The following SEL1L2 variants were observed in gnomAD, a reference collection of about 807,000 sequenced individuals.
SEL1L2 encodes protein sel-1 homolog 2.
A neutral mutation model predicts 98.8 loss-of-function variants in SEL1L2; 89 were observed. The observed-to-expected ratio is 0.90, with a 90% CI of 0.76 to 1.07. The LOEUF is 1.07. SEL1L2 is among the 50% of genes least tolerant of loss of function. SEL1L2 has a pLI of 0.00. For missense variants in SEL1L2, 788 were observed against 812.0 expected (o/e 0.97, Z 0.36); for synonymous variants, 262 against 278.5 (o/e 0.94, Z 0.59).
intron 1 of SEL1L2, among the ~76,000 whole-genome samples, chr20:13,959,187 G>A (rs921710919): frequency 6.6e-6 from 1 of 152,156 alleles, no homozygotes; most frequent in Non-Finnish European, 1.5e-5. Context: ...TCATTTTAAT[G>A]TGTCCTCTTT....
chr20:13,962,752 C>T (rs2050836324), intron 1 of SEL1L2, among the ~76,000 whole-genome samples: 1 of 152,070 alleles, frequency 6.6e-6, no homozygotes, highest in Non-Finnish European at 1.5e-5. Flanking sequence ...ATAGTCCTAG[C>T]ATTGAGAAAA....
intron 4 of SEL1L2, among the ~76,000 whole-genome samples, chr20:13,914,934 G>C (rs13039800): frequency 0.18 from 28,026 of 152,118 alleles, 2,665 homozygotes; most frequent in Non-Finnish European, 0.21. Context: ...GGAGAGTCTT[G>C]CAAGGTCAAA....
At chr20:13,929,624 C>T (rs2049047886) in intron 3 of SEL1L2, among the ~76,000 whole-genome samples, 1 of 149,846 alleles carries the variant, frequency 6.7e-6, no homozygotes, top group Non-Finnish European at 1.5e-5. Context: ...TCTCAGCCTC[C>T]CGAGTAGCTT....
At chr20:13,933,000 G>T (rs2049221313) in intron 2 of SEL1L2, among the ~76,000 whole-genome samples, 1 of 151,824 alleles carries the variant, frequency 6.6e-6, no homozygotes, top group Non-Finnish European at 1.5e-5. Flanking sequence ...CTGAGGTCAG[G>T]AGTTTGAGAC....
At chr20:13,983,527 T>A (rs973736112) in intron 1 of SEL1L2, among the ~76,000 whole-genome samples, 14 of 152,042 alleles carry the variant, frequency 9.2e-5, no homozygotes, top group African/African-American at 3.4e-4. Flanking sequence ...TTTTTGTTTT[T>A]GTTTTTTTTT....
chr20:13,894,257 T>A (rs1019115338), intron 5 of SEL1L2, among the ~76,000 whole-genome samples: 3 of 152,124 alleles, frequency 2.0e-5, no homozygotes, highest in South Asian at 2.1e-4. Context: ...TTAGGTTTTT[T>A]AAAAATATCA....
At chr20:13,976,915 A>G (rs542287265) in intron 1 of SEL1L2, among the ~76,000 whole-genome samples, 30 of 152,302 alleles carry the variant, frequency 2.0e-4, no homozygotes, top group Non-Finnish European at 3.5e-4. Flanking sequence ...TTGCAAGATG[A>G]CCCGGGAGAA....
intron 14 of SEL1L2, among the ~76,000 whole-genome samples, chr20:13,867,501 C>A (rs1490176993): frequency 6.6e-6 from 1 of 152,144 alleles, no homozygotes; most frequent in South Asian, 2.1e-4. Context: ...AACACTGGAG[C>A]CTTTAGAAGC....
chr20:13,867,186 A>G (rs1253245349), intron 14 of SEL1L2, among the ~76,000 whole-genome samples: 1 of 152,230 alleles, frequency 6.6e-6, no homozygotes, highest in Non-Finnish European at 1.5e-5. Flanking sequence ...CCGAAGCGCC[A>G]CCATGATTTA....
intron 1 of SEL1L2, among the ~76,000 whole-genome samples, chr20:13,982,942 T>C (rs1338780650): frequency 1.4e-5 from 2 of 143,114 alleles, no homozygotes; most frequent in African/African-American, 5.2e-5. Context: ...AAGAATTGCT[T>C]GAACCCAGGA....
At chr20:13,859,460 A>G (rs779194480) in intron 17 of SEL1L2, 26 bp from the exon 18 acceptor site, 2 of 1,586,500 alleles carry the variant, frequency 1.3e-6, no homozygotes, top group South Asian at 1.1e-5. Context: ...GAGAAAAAAG[A>G]ATCATAACTC....
intron 10 of SEL1L2, among the ~76,000 whole-genome samples, chr20:13,879,852 T>C (rs139687510): frequency 6.6e-6 from 1 of 152,316 alleles, no homozygotes; most frequent in African/African-American, 2.4e-5. Flanking sequence ...TGAATCTCTC[T>C]ACTGAGCCAT....
intron 11 of SEL1L2, among the ~76,000 whole-genome samples, chr20:13,876,656 G>A (rs1460327276): frequency 6.6e-6 from 1 of 152,064 alleles, no homozygotes; most frequent in Non-Finnish European, 1.5e-5. Context: ...GCCTGGAGCT[G>A]ATTCACACTC....
intron 10 of SEL1L2, among the ~76,000 whole-genome samples, chr20:13,880,922 G>C (rs1401850229): frequency 1.3e-5 from 2 of 152,026 alleles, no homozygotes; most frequent in African/African-American, 4.8e-5. Flanking sequence ...TTTTTCATTG[G>C]CTCTAAGAAA....
chr20:13,924,880 T>G (rs1422669794), intron 3 of SEL1L2, among the ~76,000 whole-genome samples: 1 of 152,130 alleles, frequency 6.6e-6, no homozygotes, highest in Non-Finnish European at 1.5e-5. Flanking sequence ...GGCTCACACC[T>G]GTAATCCCAG....
chr20:13,874,932 G>T (rs553431800), intron 12 of SEL1L2, among the ~76,000 whole-genome samples: 28 of 152,328 alleles, frequency 1.8e-4, no homozygotes, highest in African/African-American at 6.7e-4. Flanking sequence ...CCAAGAGCAG[G>T]CCGATGGGTG....
intron 12 of SEL1L2, among the ~76,000 whole-genome samples, chr20:13,874,472 T>A (rs950174792): frequency 6.6e-6 from 1 of 152,170 alleles, no homozygotes; most frequent in Non-Finnish European, 1.5e-5. Context: ...TCACTGCTGG[T>A]TGGTTCCACA....
chr20:13,925,298 A>T (rs1017427006), intron 3 of SEL1L2, among the ~76,000 whole-genome samples: 1 of 152,212 alleles, frequency 6.6e-6, no homozygotes, highest in African/African-American at 2.4e-5. Flanking sequence ...TCAGGTTTCC[A>T]GAGTCATTAT....
At chr20:13,951,276 C>CAAAAAAAA (rs764034768) in intron 2 of SEL1L2, among the ~76,000 whole-genome samples, 5 of 25,470 alleles carry the variant, frequency 2.0e-4, no homozygotes, top group Admixed American at 5.7e-4. Flanking sequence ...GACTCCGTCT[C>CAAAAAAAA]AAAAAAAAAA....
Sources: gnomAD v4.1 joint callset for allele counts (sites outside exome capture counted in the v4.1 genomes callset) on GRCh38, gnomAD v4.1.1 for gene constraint, MANE v1.5 for transcripts, NCBI Gene and HGNC (gene_info 2026-07-23, HGNC 2026-07-21) for gene names.